SYT14: variants seen among roughly 807,000 people sequenced by gnomAD.
SYT14 encodes synaptotagmin 14, also known as synaptotagmin-14.
A neutral mutation model predicts 74.2 loss-of-function variants in SYT14; 32 were observed. The ratio of observed to expected loss-of-function variants is 0.43; its 90% CI spans 0.33 to 0.58. The LOEUF (loss-of-function observed/expected upper bound fraction) is 0.58, where lower values mean the gene tolerates loss of function less well. Ranked by LOEUF, SYT14 falls within the 20% of genes least tolerant of loss-of-function variation. SYT14 has a pLI of 0.05. For synonymous variants in SYT14, 298 were observed against 337.7 expected (o/e 0.88, Z 1.29); for missense variants, 791 against 981.8 (o/e 0.81, Z 2.60).
chr1:209,982,356 G>A (rs991710123), intron 2 of SYT14, among the ~76,000 whole-genome samples: 16 of 151,994 alleles, frequency 1.1e-4, no homozygotes, highest in East Asian at 3.9e-4. Context: ...AGGTTTCACC[G>A]TATTGCTTAG....
At chr1:209,994,352 G>A (rs559167129) in intron 2 of SYT14, among the ~76,000 whole-genome samples, 1 of 152,172 alleles carries the variant, frequency 6.6e-6, no homozygotes, top group South Asian at 2.1e-4. Context: ...AATACAATCA[G>A]AAGTATTAAC....
chr1:210,115,963 T>C (rs973925882), intron 7 of SYT14, among the ~76,000 whole-genome samples: 4 of 150,180 alleles, frequency 2.7e-5, no homozygotes, highest in Non-Finnish European at 5.9e-5. Context: ...GAGGTAGGGG[T>C]GGGCCGTTTT....
chr1:210,000,613 C>CTTTTTTTTTTTTTTTTTTTTTTTTTTTT lies in SYT14; in HGVS notation c.-485-13001_-485-13000insTTTTTTTTTTTTTTTTTTTTTTTTTTTT, dbSNP rs71146203. ...TTTCATTAGGGCTGTTTTATGCCTT[C>CTTTTTTTTTTTTTTTTTTTTTTTTTTTT]TTTTTTTTTTTTTTTTTTTGAGATA... On this transcript the variant is annotated intron_variant, in intron 2 of 9. Transcript: ENST00000637265. Among the ~76,000 whole-genome samples, 10 of 105,422 alleles carry CTTTTTTTTTTTTTTTTTTTTTTTTTTTT rather than the reference C, an allele frequency of 9.5e-5. No homozygotes were observed. In the East Asian group the frequency reaches 1.2e-3, roughly 12 times the overall value. The allele number at this position is 105,422 out of a possible 152,430, so 69.2% of individuals were successfully genotyped here.
chr1:210,077,534 G>A (rs181885085), intron 5 of SYT14, among the ~76,000 whole-genome samples: 1 of 152,240 alleles, frequency 6.6e-6, no homozygotes, highest in East Asian at 1.9e-4. Context: ...TACTATATGA[G>A]TAATGCTGAT....
At chr1:210,169,755 GTTA>G (rs1168198251) in exon 10 of SYT14, 1 of 152,028 alleles carries the variant, frequency 6.6e-6, no homozygotes, top group Non-Finnish European at 1.5e-5. Context: ...AGGAAGAATA[GTTA>G]TTATATGAGT....
chr1:210,166,451 A>C (rs1036066910), exon 10 of SYT14: 1 of 152,310 alleles, frequency 6.6e-6, no homozygotes, highest in Non-Finnish European at 1.5e-5. Context: ...CTGTGGTCCC[A>C]GCTACTCAGG....
At chr1:210,116,372 C>A (rs530559516) in intron 7 of SYT14, among the ~76,000 whole-genome samples, 10 of 152,276 alleles carry the variant, frequency 6.6e-5, no homozygotes, top group Admixed American at 3.3e-4. Context: ...TAGAGTCTCA[C>A]TCTGTTTCCA....
rs756980136 is a variant in SYT14 at position 210,058,687 on chromosome 1, A to G, written c.1313-35635A>G. On this transcript the variant is annotated intron_variant, in intron 5 of 9. Transcript: ENST00000637265. ...ATATCAGCAAAAGCTACCACAGCCA[A>G]CCAGTGCTAGAGTGAGGTTTAGGGT... Among the ~76,000 whole-genome samples, 86 of 152,224 alleles carry G rather than the reference A, an allele frequency of 5.6e-4. 1 individual carries two copies. Among genetic ancestry groups the G allele is most frequent in the Admixed American group, 1.0e-3 (16 of 15,278 alleles).
chr1:210,138,588 A>G (rs1370215360), intron 7 of SYT14, among the ~76,000 whole-genome samples: 1 of 152,180 alleles, frequency 6.6e-6, no homozygotes, highest in East Asian at 1.9e-4. Context: ...ATTGCTATAT[A>G]TTGTTTAATT....
chr1:210,086,793 CTATG>C (rs1196084976), intron 5 of SYT14, among the ~76,000 whole-genome samples: 1 of 152,154 alleles, frequency 6.6e-6, no homozygotes, highest in Non-Finnish European at 1.5e-5. Context: ...TAACTTCTAT[CTATG>C]TATTTTTAAA....
At chr1:210,161,881 C>T in exon 10 of SYT14, 1 of 450,430 alleles carries the variant, frequency 2.2e-6, no homozygotes, top group Non-Finnish European at 4.5e-6. Context: ...AAATTTCTTT[C>T]AGTGATTGAC....
chr1:210,151,227 T>G (rs1184275539), intron 7 of SYT14, among the ~76,000 whole-genome samples: 1 of 152,192 alleles, frequency 6.6e-6, no homozygotes, highest in East Asian at 1.9e-4. Context: ...ATTAATCACC[T>G]GCAGCTACTG....
chr1:209,979,417 TGAG>T (rs1191162729), intron 2 of SYT14, among the ~76,000 whole-genome samples: 1 of 152,160 alleles, frequency 6.6e-6, no homozygotes, highest in African/African-American at 2.4e-5. Flanking sequence ...ATGGTTTTCT[TGAG>T]GACAGCAGAC....
chr1:210,138,269 C>T (rs1410186225), intron 7 of SYT14, among the ~76,000 whole-genome samples: 1 of 152,154 alleles, frequency 6.6e-6, no homozygotes. Flanking sequence ...TGCAGGGGAA[C>T]TGCCCTTTAT....
chr1:209,942,657 A>G (rs574719097), intron 1 of SYT14, among the ~76,000 whole-genome samples: 1 of 152,282 alleles, frequency 6.6e-6, no homozygotes, highest in East Asian at 1.9e-4. Context: ...AGTTATCTTC[A>G]TATTGCAAAA....
Position 209,964,922 on chromosome 1 carries a change from TGGGACCAC to T in SYT14, c.-486+12167_-486+12174del, listed in dbSNP as rs529032838. On this transcript the variant is annotated intron_variant, in intron 2 of 9. Transcript: ENST00000637265. ...ACTACTTTTATCAATTAATGTTGACTGGGACCACTCTGAGGGTCAAGTTCCCAGATGCC... is the reference window on the plus strand; with the variant it reads ...ACTACTTTTATCAATTAATGTTGACTTCTGAGGGTCAAGTTCCCAGATGCC... Among the ~76,000 whole-genome samples, 12 of 152,332 alleles carry T rather than the reference TGGGACCAC, an allele frequency of 7.9e-5. No individual in the cohort carries two copies. The East Asian group carries it at 2.3e-3, about 29-fold the overall frequency.
intron 1 of SYT14, among the ~76,000 whole-genome samples, chr1:209,941,377 A>G (rs1419883416): frequency 6.6e-6 from 1 of 152,248 alleles, no homozygotes; most frequent in Non-Finnish European, 1.5e-5. Context: ...GACAATAGTT[A>G]CACATCCTTA....
At position 210,036,285 on chromosome 1, in the gene SYT14, T is replaced by A. The variant is rs2080660653; in HGVS notation, c.1312+15031T>A. Among the ~76,000 whole-genome samples, 4 of 152,242 alleles carry A rather than the reference T, an allele frequency of 2.6e-5. 1 individual carries two copies. The highest frequency in any genetic ancestry group is 4.1e-4 in the South Asian group (2 of 4,834). On this transcript the variant is annotated intron_variant, in intron 5 of 9. Transcript: ENST00000637265. ...ATTTCTGCTCATTGATTTTGTATCC[T>A]GAAACTTTACTGAATTTATCAGATC...
At chr1:209,974,676 G>A (rs1017198938) in intron 2 of SYT14, among the ~76,000 whole-genome samples, 2 of 151,978 alleles carry the variant, frequency 1.3e-5, no homozygotes, top group African/African-American at 4.8e-5. Context: ...TTTGGCATAG[G>A]ATTGACTTGG....
Sources: gnomAD v4.1 joint callset for allele counts (sites outside exome capture counted in the v4.1 genomes callset) on GRCh38, gnomAD v4.1.1 for gene constraint, MANE v1.5 for transcripts, NCBI Gene and HGNC (gene_info 2026-07-23, HGNC 2026-07-21) for gene names.